IQGAP2: variants seen among roughly 807,000 people sequenced by gnomAD.
IQGAP2 encodes ras GTPase-activating-like protein IQGAP2.
In IQGAP2, 173 loss-of-function variants were observed where a neutral mutation model predicts 201.3. That is an observed-to-expected ratio of 0.86 (90% CI 0.76 to 0.98). The LOEUF (loss-of-function observed/expected upper bound fraction) is 0.98. Among genes scored for constraint, IQGAP2 ranks in the 50% least tolerant of loss-of-function variants. IQGAP2 has a pLI of 0.00. For missense variants in IQGAP2, 1,687 were observed against 1,864.8 expected (o/e 0.90, Z 1.76); for synonymous variants, 675 against 673.9 (o/e 1.00, Z -0.03).
At chr5:76,486,263 T>C (rs73766932) in intron 2 of IQGAP2, among the ~76,000 whole-genome samples, 3,331 of 152,320 alleles carry the variant, frequency 0.022, 151 homozygotes, top group African/African-American at 0.074. Context: ...TTTTTAGCCA[T>C]CTTTTAAATA....
At chr5:76,446,277 G>T (rs1483551289) in intron 1 of IQGAP2, among the ~76,000 whole-genome samples, 1 of 152,052 alleles carries the variant, frequency 6.6e-6, no homozygotes, top group Non-Finnish European at 1.5e-5. Flanking sequence ...CTTTCCACAG[G>T]AGTGGCACCA....
intron 2 of IQGAP2, among the ~76,000 whole-genome samples, chr5:76,477,885 A>C (rs922184476): frequency 2.6e-5 from 4 of 152,120 alleles, no homozygotes; most frequent in African/African-American, 9.7e-5. Context: ...TAAAAAAAAA[A>C]ATTAAAAAGT....
intron 10 of IQGAP2, 63 bp from the exon 11 acceptor site, chr5:76,600,749 C>T: frequency 2.6e-6 from 4 of 1,558,736 alleles, no homozygotes; most frequent in Non-Finnish European, 3.5e-6. Context: ...GCATTGTAAA[C>T]CTCCATCATG....
intron 24 of IQGAP2, 84 bp from the exon 25 acceptor site, chr5:76,673,365 A>G (rs1744520370): frequency 2.1e-6 from 3 of 1,440,418 alleles, no homozygotes; most frequent in Admixed American, 4.3e-5. Flanking sequence ...TCACTATACA[A>G]AGCTTGACTA....
At chr5:76,419,673 C>CTT (rs57338854) in intron 1 of IQGAP2, among the ~76,000 whole-genome samples, 46 of 141,832 alleles carry the variant, frequency 3.2e-4, no homozygotes, top group East Asian at 2.0e-3. Context: ...CTTTTCTTTT[C>CTT]TTTTTTTTTT....
chr5:76,441,000 C>A (rs538704116), intron 1 of IQGAP2, among the ~76,000 whole-genome samples: 1 of 149,968 alleles, frequency 6.7e-6, no homozygotes, highest in East Asian at 2.0e-4. Flanking sequence ...CATTGCACTT[C>A]AGCCTGGGCA....
intron 2 of IQGAP2, among the ~76,000 whole-genome samples, chr5:76,555,641 T>C (rs1335554581): frequency 1.3e-5 from 2 of 152,210 alleles, no homozygotes; most frequent in Non-Finnish European, 2.9e-5. Flanking sequence ...TTCCTGCTCC[T>C]GTAAGGTTCA....
At chr5:76,483,862 T>C (rs538889100) in intron 2 of IQGAP2, among the ~76,000 whole-genome samples, 2 of 152,274 alleles carry the variant, frequency 1.3e-5, no homozygotes, top group East Asian at 3.9e-4. Context: ...AACAGACAGC[T>C]CCTTAGCCTC....
chr5:76,634,959 G>T (rs1375988328), intron 15 of IQGAP2, among the ~76,000 whole-genome samples: 1 of 152,208 alleles, frequency 6.6e-6, no homozygotes, highest in African/African-American at 2.4e-5. Context: ...ATGCTGGAAA[G>T]TAGCTCTCCT....
At chr5:76,684,226 T>A (rs1309531956) in intron 30 of IQGAP2, among the ~76,000 whole-genome samples, 1 of 152,214 alleles carries the variant, frequency 6.6e-6, no homozygotes, top group Non-Finnish European at 1.5e-5. Context: ...AAATATCTAT[T>A]ACAGAGTGGC....
Position 76,707,181 on chromosome 5 carries a change from A to T in IQGAP2, c.4615-19A>T. The T allele has an allele frequency of 9.7e-7, 1 of 1,034,282 alleles. No homozygotes were observed. The highest frequency in any genetic ancestry group is 1.6e-5 in the African/African-American group (1 of 62,872). 64.1% of individuals were successfully genotyped at this position (1,034,282 alleles called of 1,614,324 possible). A position where few individuals can be genotyped will look rare whatever the true frequency, so the allele number is the denominator to read the frequency against. ...AAAATGTCAAAGTTGAGATTTAATG[A>T]TGCTTTTTACAATTTCAGGATTTAC... On this transcript the variant is annotated intron_variant, in intron 35 of 35. Coordinates refer to ENST00000274364, the MANE Select transcript of IQGAP2 (RefSeq NM_006633.5).
rs1746509620 is a variant in IQGAP2 at position 76,589,698 on chromosome 5, G to T, written c.610G>T (p.Ala204Ser). ...PSFSKIGGIL[A>S]NELSVDEAAL... The stretch of plus-strand genomic sequence containing the variant: ...TTTCAGCAAAATAGGTGGTATTCTG[G>T]CCAATGAACTGTCCGTGGATGAAGC... Residue 204 changes from alanine (A) to serine (S), a missense_variant, in exon 7 of 36, where the codon GCC (alanine) becomes TCC (serine). Coordinates refer to ENST00000274364, the MANE Select transcript of IQGAP2 (RefSeq NM_006633.5). The T allele has an allele frequency of 2.5e-6, 4 of 1,606,306 alleles. No homozygotes were observed. The highest frequency in any genetic ancestry group is 3.4e-6 in the Non-Finnish European group (4 of 1,176,190).
In IQGAP2 at chr5:76,403,334, A is replaced by C; in HGVS notation, c.-212A>C. ...GACCGGCCAGGGAGCGAGGGAGGAG[A>C]GTTCACTTTTACTTCAGTGTCAGCG... is the stretch of plus-strand genomic sequence containing the variant. On this transcript the variant is annotated 5_prime_UTR_variant, in exon 1 of 36. Transcript: ENST00000274364. The surrounding 1 kb of genome is among the most constrained non-coding windows in gnomAD (Gnocchi z 4.8). 2.6e-6 allele frequency: 1 copy of C among 386,680 alleles called. No homozygotes were observed. The allele number at this position is 386,680 out of a possible 1,614,324, so 24.0% of individuals were successfully genotyped here.
At chr5:76,626,626 C>A (rs1750263770) in intron 13 of IQGAP2, among the ~76,000 whole-genome samples, 1 of 152,014 alleles carries the variant, frequency 6.6e-6, no homozygotes, top group African/African-American at 2.4e-5. Context: ...TGAGGACAAT[C>A]ACCATGTTGT....
At chr5:76,547,063 C>T (rs757484343) in intron 2 of IQGAP2, among the ~76,000 whole-genome samples, 11 of 152,094 alleles carry the variant, frequency 7.2e-5, no homozygotes, top group Non-Finnish European at 1.5e-4. Context: ...AGGAAGAAAG[C>T]ACTGCAAATA....
At chr5:76,452,765 G>T (rs972607915) in intron 1 of IQGAP2, among the ~76,000 whole-genome samples, 3 of 152,148 alleles carry the variant, frequency 2.0e-5, no homozygotes, top group African/African-American at 7.2e-5. Context: ...GAAAGATCAT[G>T]AACTTTGGAA....
At chr5:76,692,244 C>T (rs1238702239) in intron 30 of IQGAP2, among the ~76,000 whole-genome samples, 5 of 152,176 alleles carry the variant, frequency 3.3e-5, no homozygotes, top group African/African-American at 1.2e-4. Context: ...CTCTGCCTCC[C>T]GGGTTTAAGC....
intron 2 of IQGAP2, among the ~76,000 whole-genome samples, chr5:76,513,847 A>T (rs10057926): frequency 1.3e-5 from 2 of 151,906 alleles, no homozygotes; most frequent in African/African-American, 4.8e-5. Flanking sequence ...TGAACTATGG[A>T]TTATAGTTAT....
chr5:76,487,862 A>G (rs905992199), intron 2 of IQGAP2, among the ~76,000 whole-genome samples: 2 of 152,222 alleles, frequency 1.3e-5, no homozygotes, highest in Non-Finnish European at 2.9e-5. Flanking sequence ...AGACACATGG[A>G]ATATGTCCAG....
Sources: gnomAD v4.1 joint callset for allele counts (sites outside exome capture counted in the v4.1 genomes callset) on GRCh38, gnomAD v4.1.1 for gene constraint, Gnocchi (gnomAD v3.1) non-coding constraint, MANE v1.5 for transcripts, NCBI Gene and HGNC (gene_info 2026-07-23, HGNC 2026-07-21) for gene names.